DYRK4: variants seen among roughly 807,000 people sequenced by gnomAD.
DYRK4 encodes the protein dual specificity tyrosine-phosphorylation-regulated kinase 4.
Under a neutral mutation model 68.3 loss-of-function variants are expected in DYRK4, and 64 were observed. The ratio of observed to expected loss-of-function variants is 0.94; its 90% confidence interval spans 0.77 to 1.15. DYRK4 has a LOEUF of 1.15. DYRK4 is among the 50% of genes most tolerant of loss of function. The probability of loss-of-function intolerance (pLI) is 0.00; values close to 1 mark genes in which losing one functional copy is unlikely to be tolerated. For missense variants in DYRK4, 740 were observed against 764.7 expected (o/e 0.97, Z 0.38); for synonymous variants, 274 against 289.9 (o/e 0.95, Z 0.56).
chr12:4,565,718 C>T (rs979615864), intron 1 of DYRK4, among the ~76,000 whole-genome samples: 4 of 151,972 alleles, frequency 2.6e-5, no homozygotes, highest in Admixed American at 6.5e-5. Flanking sequence ...CTCTGCCTTC[C>T]GGATTCAGGA....
At chr12:4,608,602 T>G (rs1945181203) in intron 12 of DYRK4, among the ~76,000 whole-genome samples, 1 of 152,164 alleles carries the variant, frequency 6.6e-6, no homozygotes, top group South Asian at 2.1e-4. Context: ...GCAGGCTCCC[T>G]GGCCCTCTCC....
intron 1 of DYRK4, among the ~76,000 whole-genome samples, chr12:4,566,426 T>A (rs1944677532): frequency 6.6e-6 from 1 of 152,202 alleles, no homozygotes; most frequent in Non-Finnish European, 1.5e-5. Flanking sequence ...TCCTCCTCCA[T>A]CTGCCCTTGA....
At chr12:4,565,799 T>C (rs1408262938) in intron 1 of DYRK4, among the ~76,000 whole-genome samples, 2 of 151,722 alleles carry the variant, frequency 1.3e-5, no homozygotes, top group East Asian at 1.9e-4. Flanking sequence ...CTAACTTCTT[T>C]TGTATTTTTA....
intron 3 of DYRK4, among the ~76,000 whole-genome samples, chr12:4,589,535 TTG>T (rs1944931031): frequency 6.6e-6 from 1 of 152,220 alleles, no homozygotes; most frequent in Admixed American, 6.5e-5. Flanking sequence ...CTTAATTAAA[TTG>T]TTTGGATTTT....
At position 4,613,078 on chromosome 12, in the gene DYRK4, ATT is replaced by A. The variant is rs1338966679; in HGVS notation, c.1666+361_1666+362del. Reference sequence around the variant, plus strand: ...TTTCCTTTCTCCTCCTCCCTTTTTCATTAACTGCGTCCACCCCTTTATGCCCT... The same window carrying A: ...TTTCCTTTCTCCTCCTCCCTTTTTCAAACTGCGTCCACCCCTTTATGCCCT... On this transcript the variant is annotated intron_variant, in intron 14 of 14. Coordinates refer to ENST00000543431, the MANE Select transcript of DYRK4 (RefSeq NM_001394779.1). The surrounding 1 kb of genome is among the most constrained non-coding windows in gnomAD (Gnocchi z 4.0). Among the ~76,000 whole-genome samples the A allele has an allele frequency of 1.3e-5, 2 of 151,910 alleles. No individual in the cohort carries two copies. Among genetic ancestry groups the A allele is most frequent in the Non-Finnish European group, 1.5e-5 (1 of 67,924 alleles).
intron 2 of DYRK4, among the ~76,000 whole-genome samples, chr12:4,576,283 CT>C (rs1944788860): frequency 6.6e-6 from 1 of 152,084 alleles, no homozygotes; most frequent in Admixed American, 6.5e-5. Context: ...AGTATATTGC[CT>C]TCTCAGATGG....
rs774250700 is a variant in DYRK4, at chr12:4,613,502, T to C, written c.1667-13T>C. 3 of 1,600,070 alleles carry C rather than the reference T, an allele frequency of 1.9e-6. No homozygotes were observed. In the South Asian group the frequency reaches 3.3e-5, roughly 18 times the overall value. ...GAATCTTGTTCCCTTCTGTCTTCTCTCTCCTTTAGCAGATGAGATCACCAA... is the reference window on the plus strand; with the variant it reads ...GAATCTTGTTCCCTTCTGTCTTCTCCCTCCTTTAGCAGATGAGATCACCAA... On this transcript the variant is annotated splice_polypyrimidine_tract_variant and intron_variant, in intron 14 of 14. Coordinates refer to ENST00000543431, the MANE Select transcript of DYRK4 (RefSeq NM_001394779.1). The surrounding 1 kb of genome is among the most constrained non-coding windows in gnomAD (Gnocchi z 4.0).
chr12:4,593,209 C>T (rs188558655), intron 6 of DYRK4, 44 bp downstream of exon 6: 1 of 1,595,696 alleles, frequency 6.3e-7, no homozygotes, highest in East Asian at 2.2e-5. Context: ...GGCCCAGGGA[C>T]AAGAGGTAGT....
chr12:4,568,167 G>A, intron 2 of DYRK4, 119 bp downstream of exon 2: 1 of 929,112 alleles, frequency 1.1e-6, no homozygotes, highest in African/African-American at 1.7e-5. Context: ...AAAGGCAAAG[G>A]TGTGGAGGAT....
chr12:4,610,656 A>T (rs1945209551), intron 13 of DYRK4: 1 of 157,668 alleles, frequency 6.3e-6, no homozygotes, highest in Non-Finnish European at 1.4e-5. Flanking sequence ...AGCTGAAGCC[A>T]ACCCCCTGAC....
intron 11 of DYRK4, among the ~76,000 whole-genome samples, chr12:4,606,408 A>G (rs891462834): frequency 1.3e-5 from 2 of 152,224 alleles, no homozygotes; most frequent in African/African-American, 2.4e-5. Flanking sequence ...AGCCTTGAGA[A>G]TGACTAAACA....
chr12:4,599,408 A>C (rs1332089178), intron 9 of DYRK4, among the ~76,000 whole-genome samples: 2 of 152,138 alleles, frequency 1.3e-5, no homozygotes, highest in Admixed American at 1.3e-4. Flanking sequence ...CAGGTGCCAA[A>C]GAAGATAAAA....
chr12:4,574,064 A>T (rs1347018077), intron 2 of DYRK4, among the ~76,000 whole-genome samples: 1 of 151,972 alleles, frequency 6.6e-6, no homozygotes, highest in Non-Finnish European at 1.5e-5. Flanking sequence ...TCTCTACTAA[A>T]AATACAAAAA....
chr12:4,611,398 A>C (rs1318781998), intron 13 of DYRK4, among the ~76,000 whole-genome samples: 2 of 152,202 alleles, frequency 1.3e-5, no homozygotes, highest in Non-Finnish European at 2.9e-5. Context: ...AGCACCAAGG[A>C]AGGCATTATT....
At chr12:4,595,043 C>G (rs1945001695) in intron 6 of DYRK4, among the ~76,000 whole-genome samples, 1 of 152,178 alleles carries the variant, frequency 6.6e-6, no homozygotes, top group South Asian at 2.1e-4. Context: ...AATTATGACA[C>G]AAAGTGGTAG....
chr12:4,598,408 A>G (rs189565060), intron 8 of DYRK4, among the ~76,000 whole-genome samples: 128 of 152,352 alleles, frequency 8.4e-4, no homozygotes, highest in African/African-American at 3.0e-3. Context: ...TTGTCAATGC[A>G]TTGTATTAAT....
intron 1 of DYRK4, chr12:4,563,086 G>A (rs1402329359): frequency 6.6e-6 from 3 of 455,964 alleles, no homozygotes; most frequent in Middle Eastern, 6.5e-4. Flanking sequence ...AAAAGCAGGA[G>A]GCCATTTAGT....
Position 4,568,063 on chromosome 12 carries a change from A to AT in DYRK4, c.132+19dup. On this transcript the variant is annotated intron_variant, in intron 2 of 14. Coordinates refer to ENST00000543431, the MANE Select transcript of DYRK4 (RefSeq NM_001394779.1). ...CCTCTGCGAAGGTAAAGATCCTTGA[A>AT]TTTTCACTGGGGAAGAGAGGTATCA... 3.9e-6 allele frequency: 6 copies of AT among 1,534,316 alleles called. No individual in the cohort carries two copies. Among genetic ancestry groups the AT allele is most frequent in the Non-Finnish European group, 5.2e-6 (6 of 1,145,334 alleles).
At chr12:4,604,384 C>T (rs1860344) in intron 10 of DYRK4, among the ~76,000 whole-genome samples, 75,479 of 152,026 alleles carry the variant, frequency 0.5, 18,982 homozygotes, top group East Asian at 0.68. Context: ...CCCAGTTATG[C>T]GGAAATAACT....
Sources: gnomAD v4.1 joint callset for allele counts (sites outside exome capture counted in the v4.1 genomes callset) on GRCh38, gnomAD v4.1.1 for gene constraint, Gnocchi (gnomAD v3.1) non-coding constraint, MANE v1.5 for transcripts, NCBI Gene and HGNC (gene_info 2026-07-23, HGNC 2026-07-21) for gene names.